The following CNOT1 variants were observed in gnomAD, a reference collection of about 807,000 sequenced individuals.
CNOT1 encodes CCR4-associated factor 1.
CNOT1 carries 15 observed loss-of-function variants against 273.8 expected under a neutral mutation model. That is an observed-to-expected ratio of 0.05 (90% confidence interval 0.04 to 0.08). The LOEUF (loss-of-function observed/expected upper bound fraction) is 0.08. Ranked by LOEUF, CNOT1 falls within the 10% of genes least tolerant of loss-of-function variation. The pLI, the probability that CNOT1 is intolerant of heterozygous loss-of-function variation, is 1.00. For missense variants in CNOT1, 1,644 were observed against 2,912.2 expected (o/e 0.56, Z 10.02); for synonymous variants, 1,022 against 1,005.5 (o/e 1.02, Z -0.31).
At chr16:58,621,605 T>C (rs919092140) in intron 1 of CNOT1, among the ~76,000 whole-genome samples, 2 of 149,650 alleles carry the variant, frequency 1.3e-5, no homozygotes, top group Non-Finnish European at 3.0e-5. Context: ...GGCCTTATAG[T>C]TTGTCCAAAT....
chr16:58,595,278 C>G (rs1013036245), intron 2 of CNOT1, among the ~76,000 whole-genome samples: 1 of 151,868 alleles, frequency 6.6e-6, no homozygotes, highest in African/African-American at 2.4e-5. Flanking sequence ...TCAAGTTAAT[C>G]CATTTCATTC....
In CNOT1 at chr16:58,587,757, TTAAAGA is replaced by T. The variant is rs1202991460; in HGVS notation, c.309+17_309+22del. The T allele has an allele frequency of 1.9e-6, 3 of 1,610,730 alleles. No homozygotes were observed. The highest frequency in any genetic ancestry group is 1.7e-6 in the Non-Finnish European group (2 of 1,178,372). On this transcript the variant is annotated intron_variant, in intron 4 of 48. Coordinates refer to ENST00000317147, the MANE Select transcript of CNOT1 (RefSeq NM_016284.5). ...GAAAGCCTAAGGAGAGATCACACTC[TTAAAGA>T]TAATAGTAATACCAACCTTCTGATA...
At chr16:58,590,398 C>A (rs10153063) in intron 2 of CNOT1, among the ~76,000 whole-genome samples, 59,131 of 151,964 alleles carry the variant, frequency 0.39, 12,896 homozygotes, top group African/African-American at 0.59. Flanking sequence ...CCCTTCTCTT[C>A]ATTCAGAAAA....
At chr16:58,571,965 T>C (rs1050912836) in intron 16 of CNOT1, among the ~76,000 whole-genome samples, 1 of 151,078 alleles carries the variant, frequency 6.6e-6, no homozygotes, top group Non-Finnish European at 1.5e-5. Context: ...GCAGACTCTG[T>C]CTCAGAAAAA....
intron 24 of CNOT1, 96 bp from the exon 25 acceptor site, chr16:58,549,994 G>A (rs1035070706): frequency 6.5e-7 from 1 of 1,531,688 alleles, no homozygotes; most frequent in South Asian, 1.3e-5. Context: ...ATGGCTCCTT[G>A]CAAAACTAAC....
intron 1 of CNOT1, among the ~76,000 whole-genome samples, chr16:58,607,274 G>GC (rs2042713695): frequency 1.3e-5 from 2 of 152,170 alleles, no homozygotes; most frequent in South Asian, 4.1e-4. Context: ...AAGATGGCTG[G>GC]CCAGGACTAG....
intron 1 of CNOT1, among the ~76,000 whole-genome samples, chr16:58,606,803 CAAAAAAAAAGA>C (rs770533229): frequency 7.2e-6 from 1 of 139,158 alleles, no homozygotes; most frequent in Non-Finnish European, 1.6e-5. Flanking sequence ...GACACCGTAT[CAAAAAAAAAGA>C]AAAAAAAAAG....
intron 47 of CNOT1, among the ~76,000 whole-genome samples, chr16:58,522,015 GAATT>G (rs749499838): frequency 1.3e-5 from 2 of 151,226 alleles, no homozygotes; most frequent in African/African-American, 2.4e-5. Context: ...CAGAAAATAA[GAATT>G]AAGTATTCTA....
chr16:58,567,792 T>C (rs1223439910), intron 16 of CNOT1, among the ~76,000 whole-genome samples: 1 of 152,190 alleles, frequency 6.6e-6, no homozygotes, highest in East Asian at 1.9e-4. Flanking sequence ...CTGACAGCCC[T>C]CAATCACAAT....
chr16:58,594,814 A>G (rs1199033174), intron 2 of CNOT1, among the ~76,000 whole-genome samples: 6 of 144,014 alleles, frequency 4.2e-5, no homozygotes. Flanking sequence ...AAAAAAAAAA[A>G]GAAAAAGAAA....
intron 1 of CNOT1, among the ~76,000 whole-genome samples, chr16:58,629,168 G>A (rs2043712678): frequency 6.6e-6 from 1 of 152,260 alleles, no homozygotes; most frequent in African/African-American, 2.4e-5. Context: ...GAAACCTGGG[G>A]GGCTTTGACA....
At chr16:58,601,099 C>A (rs1187953287) in intron 1 of CNOT1, among the ~76,000 whole-genome samples, 1 of 152,214 alleles carries the variant, frequency 6.6e-6, no homozygotes, top group East Asian at 1.9e-4. Context: ...GAATTACAGG[C>A]AACAGCCACC....
chr16:58,592,135 G>A (rs1352435379), intron 2 of CNOT1, among the ~76,000 whole-genome samples: 2 of 152,062 alleles, frequency 1.3e-5, no homozygotes, highest in Admixed American at 6.6e-5. Flanking sequence ...CTGGTAGAAT[G>A]GTTTCTATTT....
chr16:58,588,381 T>G (rs1365298546), intron 3 of CNOT1, among the ~76,000 whole-genome samples: 2 of 152,094 alleles, frequency 1.3e-5, no homozygotes, highest in Non-Finnish European at 2.9e-5. Flanking sequence ...CTCATTACAC[T>G]ACTCAAAGTC....
intron 19 of CNOT1, among the ~76,000 whole-genome samples, chr16:58,556,288 A>G (rs1358724923): frequency 6.6e-6 from 1 of 152,250 alleles, no homozygotes. Flanking sequence ...ACTGATGTAA[A>G]CACAAAGCAT....
Position 58,586,702 on chromosome 16 carries a change from G to A in CNOT1, c.480C>T (p.Tyr160=), listed in dbSNP as rs149073546. The A allele has an allele frequency of 2.2e-5, 36 of 1,613,208 alleles. No individual in the cohort carries two copies. Among genetic ancestry groups the A allele is most frequent in the Admixed American group, 3.3e-5 (2 of 59,974 alleles). The part of the protein sequence containing the change: ...KQKLPDLLRS[Y]IDADVSGNQE... ...GATTTCCACTGACGTCTGCGTCAAT[G>A]TAAGAACGCAGAAGATCTGGAAGCT... The change falls in exon 7 of 49, where the codon TAC becomes TAT. Residue 160 remains tyrosine, a synonymous_variant. Transcript: ENST00000317147.
At chr16:58,586,798 G>T in intron 6 of CNOT1, 50 bp from the exon 7 acceptor site, 2 of 1,585,042 alleles carry the variant, frequency 1.3e-6, no homozygotes, top group Non-Finnish European at 8.6e-7. Flanking sequence ...CACCACAATG[G>T]GTTAAAAAGT....
At chr16:58,602,890 C>CA (rs372225870) in intron 1 of CNOT1, among the ~76,000 whole-genome samples, 1,885 of 151,886 alleles carry the variant, frequency 0.012, 25 homozygotes, top group African/African-American at 0.036. Flanking sequence ...GTTTCATATT[C>CA]AAAAAAAAGC....
Position 58,520,288 on chromosome 16 carries a change from T to G in CNOT1, c.*670A>C, listed in dbSNP as rs1286262731. On this transcript the variant is annotated 3_prime_UTR_variant, in exon 49 of 49. Coordinates refer to ENST00000317147, the MANE Select transcript of CNOT1 (RefSeq NM_016284.5). The stretch of plus-strand genomic sequence containing the variant: ...AGGCCTGGTCTGGTTTCCCTTTATA[T>G]AAAGAGCTGACCCCCATCTCAGGCG... 1 of 152,142 alleles carries G rather than the reference T, an allele frequency of 6.6e-6. No individual in the cohort carries two copies. Among genetic ancestry groups the G allele is most frequent in the Non-Finnish European group, 1.5e-5 (1 of 68,104 alleles). The allele number at this position is 152,142 out of a possible 1,614,324, so 9.4% of individuals were successfully genotyped here. A position where few individuals can be genotyped will look rare whatever the true frequency, so the allele number is the denominator to read the frequency against.
Sources: gnomAD v4.1 joint callset for allele counts (sites outside exome capture counted in the v4.1 genomes callset) on GRCh38, gnomAD v4.1.1 for gene constraint, MANE v1.5 for transcripts, NCBI Gene and HGNC (gene_info 2026-07-23, HGNC 2026-07-21) for gene names.